The following SLC25A36 variants were observed in gnomAD, a reference collection of about 807,000 sequenced individuals.
SLC25A36 encodes the protein solute carrier family 25 member 36, also known as epididymis secretory sperm binding protein.
Under a neutral mutation model 35.3 loss-of-function variants are expected in SLC25A36, and 24 were observed. The ratio of observed to expected loss-of-function variants is 0.68; its 90% CI spans 0.49 to 0.96. SLC25A36 has a LOEUF of 0.96. SLC25A36 is among the 40% of genes least tolerant of loss of function. The probability of loss-of-function intolerance (pLI) is 0.00; values close to 1 mark genes in which losing one functional copy is unlikely to be tolerated. For missense variants in SLC25A36, 294 were observed against 381.1 expected, an observed-to-expected ratio of 0.77 and a Z score of 1.90; for synonymous variants, 141 against 132.2, an observed-to-expected ratio of 1.07 and a Z score of -0.46.
chr3:140,962,238 T>G (rs2107801174), intron 3 of SLC25A36, among the ~76,000 whole-genome samples: 1 of 152,330 alleles, frequency 6.6e-6, no homozygotes, highest in South Asian at 2.1e-4. Context: ...CCTTTTTTCT[T>G]AAGTACATTA....
Position 140,974,005 on chromosome 3 carries a change from G to GAAGTT in SLC25A36, c.742_742+1insAAGTT (p.Val250LysfsTer3). ...TGCCACAACTATAGCATATCCACAT[G>GAAGTT]GTAAGAAGAGTTATCTATTAAATCA... On this transcript the variant is annotated frameshift_variant and splice_region_variant. Coordinates refer to ENST00000324194, the MANE Select transcript of SLC25A36 (RefSeq NM_001104647.3). LOFTEE classifies it high-confidence loss of function. The GAAGTT allele has an allele frequency of 6.6e-7, 1 of 1,510,674 alleles. No individual in the cohort carries two copies. Among genetic ancestry groups the GAAGTT allele is most frequent in the Non-Finnish European group, 8.9e-7 (1 of 1,123,030 alleles). The allele number at this position is 1,510,674 out of a possible 1,614,324, so 93.6% of individuals were successfully genotyped here.
In SLC25A36 at chr3:140,963,240, AATATTAAAAAAAAAAAAAACTTTC is replaced by A. The variant is rs775246923; in HGVS notation, c.385+14_385+37del. On this transcript the variant is annotated intron_variant, in intron 4 of 6. Coordinates refer to ENST00000324194, the MANE Select transcript of SLC25A36 (RefSeq NM_001104647.3). The stretch of plus-strand genomic sequence containing the variant: ...GCTGCAATGGCAGGTATGAATGTAT[AATATTAAAAAAAAAAAAAACTTTC>A]TGAAACCTAGAGGCTTAATATTGAA... 4 of 1,484,238 alleles carry A rather than the reference AATATTAAAAAAAAAAAAAACTTTC, an allele frequency of 2.7e-6. No homozygotes were observed. The South Asian group carries it at 5.0e-5, about 19-fold the overall frequency. 91.9% of individuals were successfully genotyped at this position (1,484,238 alleles called of 1,614,324 possible).
intron 3 of SLC25A36, 150 bp downstream of exon 3, chr3:140,959,690 GA>G (rs1934581385): frequency 4.6e-6 from 2 of 436,554 alleles, no homozygotes; most frequent in Admixed American, 4.5e-5. Flanking sequence ...TTCTTTTTAA[GA>G]ATTTCAGATT....
At position 140,976,328 on chromosome 3, in the gene SLC25A36, C is replaced by G. The variant is rs2107821048; in HGVS notation, c.811C>G (p.Leu271Val). The G allele has an allele frequency of 1.2e-6, 2 of 1,613,594 alleles. No homozygotes were observed. Among genetic ancestry groups the G allele is most frequent in the Non-Finnish European group, 1.7e-6 (2 of 1,179,732 alleles). ...YRSFFQTLSL[L>V]VQEEGYGSLY... is the part of the protein sequence containing the mutation. ...ATCTTTTTTTCAGACTCTATCTTTG[C>G]TTGTTCAAGAAGAAGGTTATGGGTC... Residue 271 changes from leucine (L) to valine (V), a missense_variant, in exon 7 of 7, where the codon CTT (leucine) becomes GTT (valine). Leu to Val is a conservative substitution (Grantham distance 32, BLOSUM62 1). This residue lies in a region of SLC25A36 where 109 missense variants were observed against 179.7 expected (regional missense o/e 0.61). Transcript: ENST00000324194.
At chr3:140,970,800 T>C (rs1934880575) in intron 4 of SLC25A36, 127 bp from the exon 5 acceptor site, 1 of 520,088 alleles carries the variant, frequency 1.9e-6, no homozygotes. Flanking sequence ...AAGTGTAATA[T>C]ATACATAAAT....
At chr3:140,967,468 T>G (rs1299797545) in intron 4 of SLC25A36, among the ~76,000 whole-genome samples, 4 of 151,988 alleles carry the variant, frequency 2.6e-5, no homozygotes, top group African/African-American at 9.7e-5. Flanking sequence ...ATTAATTACT[T>G]TGCAAATAAA....
intron 4 of SLC25A36, chr3:140,965,509 A>C (rs1239254908): frequency 6.6e-6 from 1 of 151,850 alleles, no homozygotes; most frequent in Non-Finnish European, 1.5e-5. Context: ...CACTGTACGT[A>C]ATTTTTATTC....
intron 1 of SLC25A36, among the ~76,000 whole-genome samples, chr3:140,956,162 T>C (rs1426883825): frequency 6.6e-6 from 1 of 152,210 alleles, no homozygotes. Flanking sequence ...AAGAATGGCC[T>C]AGATTTTAAC....
chr3:140,974,548 A>G (rs1934987566), intron 6 of SLC25A36, among the ~76,000 whole-genome samples: 1 of 152,184 alleles, frequency 6.6e-6, no homozygotes, highest in Admixed American at 6.5e-5. Flanking sequence ...ATGTTGGCAA[A>G]TAAGTATGTG....
At chr3:140,942,117 C>A in intron 1 of SLC25A36, 22 bp downstream of exon 1, 7 of 1,212,446 alleles carry the variant, frequency 5.8e-6, no homozygotes, top group South Asian at 1.5e-5. Context: ...GCGGGGCGTG[C>A]GCACTGGGGC....
intron 5 of SLC25A36, among the ~76,000 whole-genome samples, chr3:140,971,194 GTTGTTTTGTT>G (rs112026148): frequency 3.3e-5 from 5 of 152,028 alleles, no homozygotes; most frequent in African/African-American, 4.8e-5. Context: ...ATTAATATGT[GTTGTTTTGTT>G]TTGTTTTGTT....
rs915505908 is a variant in SLC25A36 at position 140,978,288 on chromosome 3, T to C, written c.*1835T>C. 5.3e-5 allele frequency: 8 copies of C among 152,178 alleles called. No homozygotes were observed. Among genetic ancestry groups the C allele is most frequent in the African/African-American group, 1.9e-4 (8 of 41,454 alleles). The allele number at this position is 152,178 out of a possible 1,614,324, so 9.4% of individuals were successfully genotyped here. ...AATTATTCGTACCTTTTATGGTAAA[T>C]TTCAGCTTTGACATGTATTATGAGG... On this transcript the variant is annotated 3_prime_UTR_variant, in exon 7 of 7. Coordinates refer to ENST00000324194, the MANE Select transcript of SLC25A36 (RefSeq NM_001104647.3).
intron 2 of SLC25A36, among the ~76,000 whole-genome samples, chr3:140,958,961 TG>T (rs1341686433): frequency 3.8e-3 from 34 of 9,000 alleles, no homozygotes; most frequent in East Asian, 0.03. Context: ...AACAATGTTT[TG>T]TGTGTGTGTG....
intron 5 of SLC25A36, among the ~76,000 whole-genome samples, chr3:140,973,480 G>A (rs755933098): frequency 6.6e-6 from 1 of 152,072 alleles, no homozygotes. Context: ...ACATGAGACC[G>A]AAGATTCAGT....
intron 1 of SLC25A36, among the ~76,000 whole-genome samples, chr3:140,947,323 ACT>A (rs1576475737): frequency 6.6e-6 from 1 of 152,152 alleles, no homozygotes; most frequent in East Asian, 1.9e-4. Flanking sequence ...GGGGAAATTT[ACT>A]TTTACTAAAC....
rs1480170989 is a variant in SLC25A36 at position 140,956,643 on chromosome 3, G to A, written c.158G>A (p.Gly53Glu). 1 of 1,613,880 alleles carries A rather than the reference G, an allele frequency of 6.2e-7. No homozygotes were observed. The highest frequency in any genetic ancestry group is 2.2e-5 in the East Asian group (1 of 44,876). The change falls in exon 2 of 7, where the codon GGA (glycine) becomes GAA (glutamate). Residue 53 changes from glycine to glutamate, a missense_variant. Around this residue, in one of 2 missense-constraint regions of SLC25A36, gnomAD observed 185 missense variants for 201.5 expected, o/e 0.92. Coordinates refer to ENST00000324194, the MANE Select transcript of SLC25A36 (RefSeq NM_001104647.3). ...ISEVQLNTMA[G>E]ASVNRVVSPG... ...GAAGTTCAGCTGAACACCATGGCTG[G>A]AGCCAGTGTCAACCGAGTAGTGTCT...
chr3:140,980,136 G>C lies in SLC25A36; in HGVS notation c.*3683G>C, dbSNP rs1935149840. Among the ~76,000 whole-genome samples the C allele has an allele frequency of 1.3e-5, 2 of 152,142 alleles. No homozygotes were observed. The highest frequency in any genetic ancestry group is 2.9e-5 in the Non-Finnish European group (2 of 68,012). On this transcript the variant is annotated 3_prime_UTR_variant, in exon 7 of 7. Coordinates refer to ENST00000324194, the MANE Select transcript of SLC25A36 (RefSeq NM_001104647.3). ...ATGTCTGAAGGAACCCAAAGGTCAA[G>C]TAATCCAACTCCCTCATAGTGTACA... is the stretch of plus-strand genomic sequence containing the variant.
At position 140,975,663 on chromosome 3, in the gene SLC25A36, A is replaced by G. The variant is rs190362041; in HGVS notation, c.743-597A>G. On this transcript the variant is annotated intron_variant, in intron 6 of 6. Transcript: ENST00000324194. ...CAATTTCTCACCTTTTAAAATGAGG[A>G]AAAATTGGACTGACTAATCTTTAAG... Among the ~76,000 whole-genome samples the G allele has an allele frequency of 2.7e-3, 411 of 152,296 alleles. 1 individual carries two copies. Among genetic ancestry groups the G allele is most frequent in the African/African-American group, 7.9e-3 (327 of 41,560 alleles).
rs1357928540 is a variant in SLC25A36, at chr3:140,979,625, A to G, written c.*3172A>G. 2 of 152,174 alleles carry G rather than the reference A, an allele frequency of 1.3e-5. No homozygotes were observed. The highest frequency in any genetic ancestry group is 4.8e-5 in the African/African-American group (2 of 41,444). The allele number at this position is 152,174 out of a possible 1,614,324, so 9.4% of individuals were successfully genotyped here. On this transcript the variant is annotated 3_prime_UTR_variant, in exon 7 of 7. Coordinates refer to ENST00000324194, the MANE Select transcript of SLC25A36 (RefSeq NM_001104647.3). The stretch of plus-strand genomic sequence containing the variant: ...CACTCAGATCTCTTCTCCATCATGT[A>G]CTTAGTATTTCCCATTAACCTACAC...
Sources: gnomAD v4.1 joint callset for allele counts (sites outside exome capture counted in the v4.1 genomes callset) on GRCh38, gnomAD v4.1.1 for gene constraint, gnomAD v4.1.1 regional missense constraint, MANE v1.5 for transcripts, NCBI Gene and HGNC (gene_info 2026-07-23, HGNC 2026-07-21) for gene names.